DHDH: variants seen among roughly 807,000 people sequenced by gnomAD.
The protein encoded by DHDH is dihydrodiol dehydrogenase.
DHDH carries 29 observed loss-of-function variants against 33.2 expected under a neutral mutation model. The ratio of observed to expected loss-of-function variants is 0.87; its 90% CI spans 0.65 to 1.19. The LOEUF (loss-of-function observed/expected upper bound fraction) is 1.19, where lower values mean the gene tolerates loss of function less well. Among genes scored for constraint, DHDH ranks in the 50% most tolerant of loss-of-function variants. The probability of loss-of-function intolerance (pLI) is 0.00; values close to 1 mark genes in which losing one functional copy is unlikely to be tolerated. For missense variants in DHDH, 431 were observed against 455.0 expected, an observed-to-expected ratio of 0.95 and a Z score of 0.48; for synonymous variants, 201 against 187.9, an observed-to-expected ratio of 1.07 and a Z score of -0.57.
chr19:48,942,674 TAA>T, intron 5 of DHDH, 110 bp downstream of exon 5: 2 of 1,470,536 alleles, frequency 1.4e-6, no homozygotes, highest in Non-Finnish European at 9.1e-7. Context: ...ACATCATTGC[TAA>T]AGAGTTCCTC....
rs778648524 is a variant in DHDH, at chr19:48,944,851, T to A, written c.923T>A (p.Leu308Gln). The change falls in exon 7 of 7, where the codon CTG becomes CAG. Residue 308 changes from leucine (L) to glutamine (Q), a missense_variant. Coordinates refer to ENST00000221403, the MANE Select transcript of DHDH (RefSeq NM_014475.4). The stretch of plus-strand genomic sequence containing the variant: ...ATGAAGGAAAGTCCTGTGATTCCCC[T>A]GTCGGAAAGTGAGCTCCTGGCTGAC... ...KGMKESPVIP[L>Q]SESELLADIL... 1 of 1,613,888 alleles carries A rather than the reference T, an allele frequency of 6.2e-7. No individual in the cohort carries two copies. Among genetic ancestry groups the A allele is most frequent in the Non-Finnish European group, 8.5e-7 (1 of 1,180,022 alleles).
At chr19:48,935,960 T>A (rs2037766872) in intron 2 of DHDH, 72 bp from the exon 3 acceptor site, 1 of 1,541,814 alleles carries the variant, frequency 6.5e-7, no homozygotes, top group Admixed American at 2.0e-5. Flanking sequence ...GGGCGGGGCC[T>A]CGAAGTTGTG....
Position 48,935,040 on chromosome 19 carries a change from A to C in DHDH, c.131A>C (p.Glu44Ala), listed in dbSNP as rs773593573. ...GCCCGCGATCTGAGCCGTGCGAAGG[A>C]GTTTGCACAGAAACACGACATCCCC... Reference protein sequence around the residue: ...VAARDLSRAKEFAQKHDIPKA... With the variant: ...VAARDLSRAKAFAQKHDIPKA... The change falls in exon 2 of 7, where the codon GAG becomes GCG. Residue 44 changes from glutamate (E) to alanine (A), a missense_variant. Glu to Ala is a moderately radical substitution (Grantham distance 107, BLOSUM62 -1). Transcript: ENST00000221403. 5.0e-6 allele frequency: 8 copies of C among 1,590,476 alleles called. No individual in the cohort carries two copies. The East Asian group carries it at 1.1e-4, about 23-fold the overall frequency.
rs181872757 is a variant in DHDH, at chr19:48,935,916, G to A, written c.203-116G>A. The A allele has an allele frequency of 2.2e-3, 2,868 of 1,296,528 alleles. 11 individuals are homozygous for A. Among genetic ancestry groups the A allele is most frequent in the Non-Finnish European group, 2.7e-3 (2,500 of 937,146 alleles). 80.3% of individuals were successfully genotyped at this position (1,296,528 alleles called of 1,614,324 possible). ...TAAGGACAGCTCCCTAAGGGAGACA[G>A]GGGTGTGACCGACCACCTGGTCCCT... On this transcript the variant is annotated intron_variant, in intron 2 of 6. Transcript: ENST00000221403.
chr19:48,939,375 G>T (rs1276831831), intron 3 of DHDH, 74 bp from the exon 4 acceptor site: 1 of 1,521,050 alleles, frequency 6.6e-7, no homozygotes, highest in South Asian at 1.2e-5. Flanking sequence ...GGGTTGCAGT[G>T]GGTATCCCCC....
intron 6 of DHDH, 104 bp from the exon 7 acceptor site, chr19:48,944,720 T>C (rs1656945020): frequency 1.6e-6 from 2 of 1,227,596 alleles, no homozygotes; most frequent in African/African-American, 1.5e-5. Context: ...AGCATCCATC[T>C]GCCTGAACCA....
At chr19:48,935,271 G>A (rs960769010) in intron 2 of DHDH, among the ~76,000 whole-genome samples, 160 bp downstream of exon 2, 1 of 152,216 alleles carries the variant, frequency 6.6e-6, no homozygotes, top group Non-Finnish European at 1.5e-5. Flanking sequence ...CTTGGTCTGG[G>A]ACTGGCTGTC....
Position 48,944,380 on chromosome 19 carries a change from G to A in DHDH, c.768G>A (p.Pro256=), listed in dbSNP as rs149283740. The A allele has an allele frequency of 1.8e-5, 29 of 1,613,952 alleles. No homozygotes were observed. The highest frequency in any genetic ancestry group is 2.7e-5 in the African/African-American group (2 of 74,930). ...AGCTCCTCAACCCCTGCTGGTGCCC[G>A]ACCGAGCTGGTGGTGAAGGGGGAGC... The part of the protein sequence containing the change: ...MVQLLNPCWC[P]TELVVKGEHK... The change falls in exon 6 of 7, where the codon CCG becomes CCA. Residue 256 remains proline, a synonymous_variant. Transcript: ENST00000221403.
At position 48,936,143 on chromosome 19, in the gene DHDH, A is replaced by G; in HGVS notation, c.314A>G (p.Glu105Gly). 6.2e-7 allele frequency: 1 copy of G among 1,609,124 alleles called. No homozygotes were observed. The highest frequency in any genetic ancestry group is 1.1e-5 in the South Asian group (1 of 90,430). Residue 105 changes from glutamate (E) to glycine (G), a missense_variant, in exon 3 of 7, where the codon GAA becomes GGA. Coordinates refer to ENST00000221403, the MANE Select transcript of DHDH (RefSeq NM_014475.4). ...CEKPTGVNAA[E>G]VREMVAEARS... ...AAGCCCACGGGCGTGAACGCGGCGGAAGTTCGCGAGATGGTCGCGGAGGCC... is the reference window on the plus strand; with the variant it reads ...AAGCCCACGGGCGTGAACGCGGCGGGAGTTCGCGAGATGGTCGCGGAGGCC...
chr19:48,935,391 C>G (rs942573368), intron 2 of DHDH, among the ~76,000 whole-genome samples: 1 of 152,162 alleles, frequency 6.6e-6, no homozygotes, highest in African/African-American at 2.4e-5. Flanking sequence ...TATGGTGGCA[C>G]GCACCTGTAA....
rs754292496 is a variant in DHDH, at chr19:48,936,126, G to A, written c.297G>A (p.Thr99=). Residue 99 remains threonine, a synonymous_variant, in exon 3 of 7, where the codon ACG becomes ACA. Transcript: ENST00000221403. The part of the protein sequence containing the change: ...AGKAVLCEKP[T]GVNAAEVREM... ...AGGCCGTTCTGTGCGAGAAGCCCAC[G>A]GGCGTGAACGCGGCGGAAGTTCGCG... The A allele has an allele frequency of 1.2e-6, 2 of 1,610,790 alleles. No homozygotes were observed. Among genetic ancestry groups the A allele is most frequent in the South Asian group, 2.2e-5 (2 of 90,518 alleles).
intron 1 of DHDH, 94 bp from the exon 2 acceptor site, chr19:48,934,906 C>G (rs2037749956): frequency 3.0e-6 from 3 of 988,730 alleles, no homozygotes; most frequent in Non-Finnish European, 4.2e-6. Context: ...CCACGTCTCC[C>G]CTTCCCCTGG....
At chr19:48,944,243 C>T in intron 5 of DHDH, 114 bp from the exon 6 acceptor site, 1 of 1,450,758 alleles carries the variant, frequency 6.9e-7, no homozygotes, top group South Asian at 1.2e-5. Context: ...AGGGCAAGCT[C>T]TTAGCCACCA....
intron 5 of DHDH, 103 bp from the exon 6 acceptor site, chr19:48,944,254 G>A: frequency 2.0e-6 from 3 of 1,514,114 alleles, no homozygotes; most frequent in Non-Finnish European, 2.7e-6. Context: ...TTAGCCACCA[G>A]GTTCAAGAGG....
intron 5 of DHDH, 35 bp downstream of exon 5, chr19:48,942,599 G>T: frequency 6.3e-7 from 1 of 1,597,518 alleles, no homozygotes; most frequent in Non-Finnish European, 8.6e-7. Flanking sequence ...TGGGGATCGT[G>T]CCCCTAAAAT....
upstream of DHDH, chr19:48,933,575 G>T: frequency 1.4e-6 from 1 of 698,280 alleles, no homozygotes; most frequent in South Asian, 1.6e-5. Context: ...AGAACTAAAT[G>T]ACCGCTCTGC....
chr19:48,941,985 C>CGTGTGTGTGTGT (rs60467743), intron 4 of DHDH, among the ~76,000 whole-genome samples: 14 of 132,232 alleles, frequency 1.1e-4, no homozygotes, highest in African/African-American at 3.5e-4. Flanking sequence ...GACTGTACTT[C>CGTGTGTGTGTGT]GTGTGTGTGT....
chr19:48,943,821 C>T (rs957425216), intron 5 of DHDH, among the ~76,000 whole-genome samples: 12 of 144,754 alleles, frequency 8.3e-5, no homozygotes, highest in South Asian at 2.2e-4. Context: ...AGCGAAACTC[C>T]GTCTCACAAA....
At position 48,934,591 on chromosome 19, in the gene DHDH, A is replaced by C. The variant is rs187603471; in HGVS notation, c.91-409A>C. Among the ~76,000 whole-genome samples the C allele has an allele frequency of 3.3e-5, 5 of 152,092 alleles. No homozygotes were observed. The East Asian group carries it at 9.7e-4, about 29-fold the overall frequency. On this transcript the variant is annotated intron_variant, in intron 1 of 6. Transcript: ENST00000221403. ...ATGCTGGCAGTGATACTGCTCTGTTACTCTTTGCTACACTGAGATGTTTGT... is the reference window on the plus strand; with the variant it reads ...ATGCTGGCAGTGATACTGCTCTGTTCCTCTTTGCTACACTGAGATGTTTGT...
Sources: gnomAD v4.1 joint callset for allele counts (sites outside exome capture counted in the v4.1 genomes callset) on GRCh38, gnomAD v4.1.1 for gene constraint, MANE v1.5 for transcripts, NCBI Gene and HGNC (gene_info 2026-07-23, HGNC 2026-07-21) for gene names.